ACOX1: variants seen among roughly 807,000 people sequenced by gnomAD.
ACOX1 encodes the protein peroxisomal acyl-coenzyme A oxidase 1.
A neutral mutation model predicts 75.5 loss-of-function variants in ACOX1; 41 were observed. The ratio of observed to expected loss-of-function variants is 0.54; its 90% CI spans 0.42 to 0.70. The LOEUF (loss-of-function observed/expected upper bound fraction) is 0.70, where lower values mean the gene tolerates loss of function less well. Ranked by LOEUF, ACOX1 falls within the 30% of genes least tolerant of loss-of-function variation. ACOX1 has a pLI of 0.00. For missense variants in ACOX1, 630 were observed against 837.5 expected (o/e 0.75, Z 3.06); for synonymous variants, 303 against 298.8 (o/e 1.01, Z -0.15).
chr17:75,948,579 A>G (rs2065744093), intron 12 of ACOX1, 122 bp from the exon 13 acceptor site: 12 of 878,498 alleles, frequency 1.4e-5, no homozygotes, highest in Non-Finnish European at 1.9e-5. Flanking sequence ...TTTGAGACTG[A>G]GTTTCACTCT....
Position 75,945,745 on chromosome 17 carries a change from T to C in ACOX1, c.*1003A>G, listed in dbSNP as rs1319716019. ...AGAAATAGAACCTATGGAACTTCCATTTTTCTAACTATAGTTTTTTGTTTT... is the reference window on the plus strand; with the variant it reads ...AGAAATAGAACCTATGGAACTTCCACTTTTCTAACTATAGTTTTTTGTTTT... On this transcript the variant is annotated 3_prime_UTR_variant, in exon 14 of 14. Transcript: ENST00000293217. 6.5e-6 allele frequency: 1 copy of C among 153,646 alleles called. No homozygotes were observed. Among genetic ancestry groups the C allele is most frequent in the Non-Finnish European group, 1.5e-5 (1 of 68,028 alleles). The allele number at this position is 153,646 out of a possible 1,614,324, so 9.5% of individuals were successfully genotyped here.
chr17:75,976,636 T>G (rs912005161), intron 2 of ACOX1, among the ~76,000 whole-genome samples: 15 of 152,062 alleles, frequency 9.9e-5, no homozygotes, highest in African/African-American at 4.8e-5. Flanking sequence ...TAAACAAAAT[T>G]TTTTCGTTTA....
intron 4 of ACOX1, among the ~76,000 whole-genome samples, chr17:75,956,969 CTCTATATATATATATATATATATA>C (rs1567878048): frequency 1.0e-3 from 9 of 9,038 alleles, no homozygotes; most frequent in East Asian, 3.2e-3. Flanking sequence ...CTCTCTCTCT[CTCTATATATATATATATATATATA>C]TATATATATA....
chr17:75,950,757 G>A lies in ACOX1; in HGVS notation c.1298+17C>T, dbSNP rs1173697126. 3.7e-6 allele frequency: 6 copies of A among 1,612,318 alleles called. No homozygotes were observed. The Admixed American group carries it at 8.3e-5, about 22-fold the overall frequency. On this transcript the variant is annotated intron_variant, in intron 9 of 13. Transcript: ENST00000293217. This position sits in a 1 kb window ranked among gnomAD's most constrained non-coding sequence, Gnocchi z 4.3. The stretch of plus-strand genomic sequence containing the variant: ...TTCTTATGAACAGATGGGAGGAATC[G>A]AGGATTTGACTCTCACCTAGCCGTC...
chr17:75,976,804 C>T (rs2066054279), intron 2 of ACOX1, among the ~76,000 whole-genome samples: 1 of 151,970 alleles, frequency 6.6e-6, no homozygotes, highest in East Asian at 1.9e-4. Context: ...TTCTATTTAG[C>T]TTGGTTCTAG....
chr17:75,976,472 A>AT (rs1204022492), intron 2 of ACOX1, among the ~76,000 whole-genome samples: 1 of 152,024 alleles, frequency 6.6e-6, no homozygotes, highest in Non-Finnish European at 1.5e-5. Flanking sequence ...AATCTTACTA[A>AT]TTTTTTCAAA....
At chr17:75,961,759 C>CAAA (rs61575984) in intron 2 of ACOX1, among the ~76,000 whole-genome samples, 2,441 of 52,988 alleles carry the variant, frequency 0.046, 37 homozygotes, top group Non-Finnish European at 0.065. Flanking sequence ...GACTCTGTCT[C>CAAA]AAAAAAAAAA....
chr17:75,948,557 T>TA, intron 12 of ACOX1, 100 bp from the exon 13 acceptor site: 4 of 1,129,976 alleles, frequency 3.5e-6, no homozygotes, highest in Non-Finnish European at 2.5e-6. Context: ...ATTATTTTTT[T>TA]CTTTTTTTTT....
chr17:75,975,081 A>T (rs1358039721), intron 2 of ACOX1, among the ~76,000 whole-genome samples: 2 of 151,320 alleles, frequency 1.3e-5, no homozygotes, highest in Non-Finnish European at 2.9e-5. Context: ...AAAGAAAGAA[A>T]GAAAGAAATA....
chr17:75,954,803 CT>C (rs1273477719), intron 6 of ACOX1, among the ~76,000 whole-genome samples: 1 of 151,882 alleles, frequency 6.6e-6, no homozygotes. Flanking sequence ...AATTCCTGAC[CT>C]TATGATCCAT....
intron 2 of ACOX1, among the ~76,000 whole-genome samples, chr17:75,969,881 G>C (rs1377737045): frequency 2.0e-5 from 3 of 152,066 alleles, no homozygotes; most frequent in Non-Finnish European, 2.9e-5. Flanking sequence ...AAGGGAAGAA[G>C]ACAGAAAGAG....
At position 75,949,247 on chromosome 17, in the gene ACOX1, T is replaced by C. The variant is rs1463252993; in HGVS notation, c.1698A>G (p.Gly566=). 6.2e-7 allele frequency: 1 copy of C among 1,614,206 alleles called. No individual in the cohort carries two copies. The highest frequency in any genetic ancestry group is 1.6e-4 in the Middle Eastern group (1 of 6,062). ...RSLCLLYSLY[G]ISQNAGDFLQ... ...GGAAATCCCCCGCGTTCTGACTGAT[T>C]CCATACAGAGAATACAGCAGACATA... is the stretch of plus-strand genomic sequence containing the variant. Residue 566 remains glycine, a synonymous_variant, in exon 12 of 14, where the codon GGA becomes GGG. Transcript: ENST00000293217.
At position 75,946,787 on chromosome 17, in the gene ACOX1, T is replaced by C. The variant is rs374691393; in HGVS notation, c.1944A>G (p.Glu648=). 1.1e-5 allele frequency: 17 copies of C among 1,613,944 alleles called. No individual in the cohort carries two copies. The East Asian group carries it at 2.9e-4, about 28-fold the overall frequency. The stretch of plus-strand genomic sequence containing the variant: ...GCAGTGACTTCAGGTGCTTGTAAGA[T>C]TCGTGGACCTGTGGGGAAAGGAGAG... ...NSPLNKAEVH[E]SYKHLKSLQS... Residue 648 remains glutamate, a synonymous_variant, in exon 14 of 14, where the codon GAA becomes GAG. Coordinates refer to ENST00000293217, the MANE Select transcript of ACOX1 (RefSeq NM_004035.7).
chr17:75,954,386 G>A (rs1013857497), intron 6 of ACOX1, among the ~76,000 whole-genome samples: 2 of 150,044 alleles, frequency 1.3e-5, no homozygotes, highest in Non-Finnish European at 3.0e-5. Context: ...AGCTGGGTGT[G>A]GTGGCGCATG....
chr17:75,955,024 C>T (rs537733085), intron 6 of ACOX1, among the ~76,000 whole-genome samples: 9 of 152,156 alleles, frequency 5.9e-5, no homozygotes, highest in South Asian at 2.1e-4. Flanking sequence ...CGCACCACCA[C>T]GCCCAGCTAA....
chr17:75,978,428 C>T lies in ACOX1; in HGVS notation c.269+106G>A. Reference sequence around the variant, plus strand: ...CTTTATAAAGTTGCATGAAAATATGCCAGTTTGCATCTTCAAACACCAAGC... The same window carrying T: ...CTTTATAAAGTTGCATGAAAATATGTCAGTTTGCATCTTCAAACACCAAGC... On this transcript the variant is annotated intron_variant, in intron 2 of 13. Coordinates refer to ENST00000293217, the MANE Select transcript of ACOX1 (RefSeq NM_004035.7). This position sits in a 1 kb window ranked among gnomAD's most constrained non-coding sequence, Gnocchi z 4.2. The T allele has an allele frequency of 6.9e-7, 1 of 1,441,564 alleles. No homozygotes were observed. The highest frequency in any genetic ancestry group is 9.7e-7 in the Non-Finnish European group (1 of 1,028,320). 89.3% of individuals were successfully genotyped at this position (1,441,564 alleles called of 1,614,324 possible). A position where few individuals can be genotyped will look rare whatever the true frequency, so the allele number is the denominator to read the frequency against.
chr17:75,972,553 G>A (rs1253924227), intron 2 of ACOX1, among the ~76,000 whole-genome samples: 1 of 151,040 alleles, frequency 6.6e-6, no homozygotes, highest in Non-Finnish European at 1.5e-5. Flanking sequence ...GGCTCGGGCA[G>A]GAGAGTCACT....
Position 75,946,796 on chromosome 17 carries a change from C to T in ACOX1, c.1936-1G>A. ...TCAGGTGCTTGTAAGATTCGTGGACCTGTGGGGAAAGGAGAGAGAAGAACT... is the reference window on the plus strand; with the variant it reads ...TCAGGTGCTTGTAAGATTCGTGGACTTGTGGGGAAAGGAGAGAGAAGAACT... On this transcript the variant is annotated splice_acceptor_variant, in intron 13 of 13. Transcript: ENST00000293217. LOFTEE classifies it high-confidence loss of function. The T allele has an allele frequency of 6.2e-7, 1 of 1,613,580 alleles. No homozygotes were observed. Among genetic ancestry groups the T allele is most frequent in the Non-Finnish European group, 8.5e-7 (1 of 1,179,590 alleles).
rs1328620017 is a variant in ACOX1, at chr17:75,942,722, T to A, written c.*4026A>T. ...ACCTATATATCCCAGGCATACCCTC[T>A]ACACGTATAAAAAGATGTGCAGGTG... On this transcript the variant is annotated 3_prime_UTR_variant, in exon 14 of 14. Coordinates refer to ENST00000293217, the MANE Select transcript of ACOX1 (RefSeq NM_004035.7). 1 of 152,074 alleles carries A rather than the reference T, an allele frequency of 6.6e-6. No homozygotes were observed. Among genetic ancestry groups the A allele is most frequent in the East Asian group, 1.9e-4 (1 of 5,172 alleles). 9.4% of individuals were successfully genotyped at this position (152,074 alleles called of 1,614,324 possible).
Sources: allele counts gnomAD v4.1 joint callset (sites outside exome capture counted in the v4.1 genomes callset), GRCh38; gene constraint gnomAD v4.1.1; non-coding constraint Gnocchi (gnomAD v3.1); transcripts MANE v1.5; gene names NCBI Gene and HGNC (gene_info 2026-07-23, HGNC 2026-07-21).